Variants in CNIH3 observed in about 807,000 individuals in gnomAD.
CNIH3 encodes the protein cornichon family AMPA receptor auxiliary protein 3, also known as protein cornichon homolog 3.
A neutral mutation model predicts 24.1 loss-of-function variants in CNIH3; 14 were observed. That is an observed-to-expected ratio of 0.58 (90% CI 0.38 to 0.91). The LOEUF (loss-of-function observed/expected upper bound fraction) is 0.91, where lower values mean the gene tolerates loss of function less well. CNIH3 is among the 40% of genes least tolerant of loss of function. The probability of loss-of-function intolerance (pLI) is 0.00; values close to 1 mark genes in which losing one functional copy is unlikely to be tolerated. For missense variants in CNIH3, 178 were observed against 196.8 expected (o/e 0.90, Z 0.57); for synonymous variants, 68 against 73.8 (o/e 0.92, Z 0.40).
intron 2 of CNIH3, among the ~76,000 whole-genome samples, chr1:224,526,462 G>A (rs145368426): frequency 6.6e-6 from 1 of 152,148 alleles, no homozygotes; most frequent in African/African-American, 2.4e-5. Flanking sequence ...ACCAGACACC[G>A]GAGCTGCTCG....
chr1:224,576,311 T>A (rs1301337668), intron 4 of CNIH3, among the ~76,000 whole-genome samples: 1 of 152,194 alleles, frequency 6.6e-6, no homozygotes, highest in African/African-American at 2.4e-5. Context: ...TAGTTCCTTT[T>A]AAAAAAAGTT....
chr1:224,681,402 T>C (rs938018065), intron 2 of CNIH3, among the ~76,000 whole-genome samples: 11 of 152,214 alleles, frequency 7.2e-5, no homozygotes, highest in African/African-American at 2.4e-4. Flanking sequence ...TGCTGCACTC[T>C]CCACCTGGGC....
chr1:224,713,435 T>C (rs923831547), intron 3 of CNIH3, among the ~76,000 whole-genome samples: 2 of 152,210 alleles, frequency 1.3e-5, no homozygotes, highest in African/African-American at 2.4e-5. Flanking sequence ...TAAGTCCACA[T>C]GTGCTGCTGG....
chr1:224,507,189 A>T (rs971605627), intron 1 of CNIH3, among the ~76,000 whole-genome samples: 6 of 152,146 alleles, frequency 3.9e-5, no homozygotes, highest in African/African-American at 1.4e-4. Flanking sequence ...ACGTATCAAC[A>T]TGTATGTATC....
At position 224,457,815 on chromosome 1, in the gene CNIH3, T is replaced by C. The variant is rs144863279; in HGVS notation, n.203+22953T>C. 2.0e-5 allele frequency among the ~76,000 whole-genome samples: 3 copies of C among 152,230 alleles called. No homozygotes were observed. The South Asian group carries it at 6.2e-4, about 31-fold the overall frequency. ...GTCAGTGTCAATAATATGCATTTTA[T>C]AAATTAGTGATTATTGTTAGTTGAA... On this transcript the variant is annotated intron_variant and non_coding_transcript_variant, in intron 1 of 5. Coordinates refer to the CNIH3 transcript ENST00000471578.
chr1:224,485,037 T>C (rs536210363), intron 1 of CNIH3, among the ~76,000 whole-genome samples: 3 of 152,312 alleles, frequency 2.0e-5, no homozygotes, highest in African/African-American at 7.2e-5. Context: ...TGCCAGACAT[T>C]GTCAATTTCA....
intron 1 of CNIH3, among the ~76,000 whole-genome samples, chr1:224,667,372 A>G (rs1685644873): frequency 6.6e-6 from 1 of 152,230 alleles, no homozygotes; most frequent in South Asian, 2.1e-4. Flanking sequence ...TTAATTAATC[A>G]ACAGGTGACT....
chr1:224,572,682 T>C (rs1163623075), intron 4 of CNIH3, among the ~76,000 whole-genome samples: 2 of 151,950 alleles, frequency 1.3e-5, no homozygotes, highest in Non-Finnish European at 2.9e-5. Flanking sequence ...GGGATTTTAA[T>C]AGCGATTGTA....
intron 3 of CNIH3, among the ~76,000 whole-genome samples, chr1:224,694,467 T>C (rs1687073233): frequency 6.6e-6 from 1 of 152,222 alleles, no homozygotes. Context: ...GCAAGGTAGA[T>C]TCCTATCCAC....
chr1:224,440,766 C>T (rs1008091333), intron 1 of CNIH3, among the ~76,000 whole-genome samples: 3 of 151,518 alleles, frequency 2.0e-5, no homozygotes, highest in Non-Finnish European at 4.4e-5. Flanking sequence ...CTTATTTTTC[C>T]ATTTAATACT....
intron 3 of CNIH3, among the ~76,000 whole-genome samples, chr1:224,596,827 G>A (rs1682000778): frequency 6.6e-6 from 1 of 152,036 alleles, no homozygotes; most frequent in African/African-American, 2.4e-5. Context: ...TATAATGTTG[G>A]GGCACTTTAG....
intron 2 of CNIH3, among the ~76,000 whole-genome samples, chr1:224,528,740 T>C (rs1023682683): frequency 2.0e-5 from 3 of 152,236 alleles, no homozygotes; most frequent in Non-Finnish European, 4.4e-5. Flanking sequence ...CATGATTATA[T>C]TTTATGGTCA....
chr1:224,606,663 C>T (rs1682437551), intron 3 of CNIH3, among the ~76,000 whole-genome samples: 1 of 152,168 alleles, frequency 6.6e-6, no homozygotes, highest in Non-Finnish European at 1.5e-5. Context: ...CAGGTCCTGG[C>T]TTGAGGGTGT....
downstream of CNIH3, among the ~76,000 whole-genome samples, chr1:224,542,502 T>A (rs1487504130): frequency 6.6e-6 from 1 of 152,238 alleles, no homozygotes; most frequent in Non-Finnish European, 1.5e-5. Context: ...ACATTCTATT[T>A]TCTGGAAGAG....
intron 1 of CNIH3, among the ~76,000 whole-genome samples, chr1:224,656,548 C>T (rs937373634): frequency 6.6e-5 from 10 of 151,872 alleles, no homozygotes; most frequent in South Asian, 2.1e-4. Flanking sequence ...CGGCGGGCGG[C>T]GGGGGGGCGG....
chr1:224,446,467 CT>C (rs999294059), intron 1 of CNIH3, among the ~76,000 whole-genome samples: 11 of 152,124 alleles, frequency 7.2e-5, no homozygotes, highest in African/African-American at 2.4e-4. Flanking sequence ...TCATGGTTTT[CT>C]GTGTAGAAGT....
chr1:224,731,541 A>G (rs1234277567), intron 4 of CNIH3, among the ~76,000 whole-genome samples: 1 of 152,216 alleles, frequency 6.6e-6, no homozygotes, highest in East Asian at 1.9e-4. Flanking sequence ...TTATTGTACC[A>G]TAAAATCTGG....
At chr1:224,637,592 C>G (rs1684156955) in intron 1 of CNIH3, among the ~76,000 whole-genome samples, 1 of 152,212 alleles carries the variant, frequency 6.6e-6, no homozygotes, top group Non-Finnish European at 1.5e-5. Flanking sequence ...TAACCACCAA[C>G]AAAACCACAC....
intron 1 of CNIH3, among the ~76,000 whole-genome samples, chr1:224,670,744 T>A (rs1356675842): frequency 6.6e-6 from 1 of 152,190 alleles, no homozygotes; most frequent in East Asian, 1.9e-4. Context: ...CCACTGGTCA[T>A]CACTCTGCCA....
Sources: allele counts gnomAD v4.1 joint callset (sites outside exome capture counted in the v4.1 genomes callset), GRCh38; gene constraint gnomAD v4.1.1; transcripts MANE v1.5; gene names NCBI Gene and HGNC (gene_info 2026-07-23, HGNC 2026-07-21).